The following KIAA0825 variants were observed in gnomAD, a reference collection of about 807,000 sequenced individuals.
KIAA0825 encodes KIAA0825, also known as uncharacterized protein KIAA0825.
A neutral mutation model predicts 147.6 loss-of-function variants in KIAA0825; 119 were observed. The observed-to-expected ratio is 0.81, with a 90% CI of 0.69 to 0.94. The LOEUF is 0.94. KIAA0825 is among the 40% of genes least tolerant of loss of function. KIAA0825 has a pLI of 0.00. For missense variants in KIAA0825, 1,381 were observed against 1,472.7 expected, an observed-to-expected ratio of 0.94 and a Z score of 1.02; for synonymous variants, 470 against 518.1, an observed-to-expected ratio of 0.91 and a Z score of 1.26.
chr5:94,357,179 A>G (rs1784379433), intron 20 of KIAA0825, among the ~76,000 whole-genome samples: 1 of 152,220 alleles, frequency 6.6e-6, no homozygotes, highest in Non-Finnish European at 1.5e-5. Flanking sequence ...TTCGGTTAAA[A>G]CGCATCTACA....
At chr5:94,385,631 G>T (rs908302810) in intron 19 of KIAA0825, among the ~76,000 whole-genome samples, 27 of 152,188 alleles carry the variant, frequency 1.8e-4, no homozygotes, top group Admixed American at 3.9e-4. Flanking sequence ...TCTTTTCAGT[G>T]TAACTACTGA....
intron 20 of KIAA0825, among the ~76,000 whole-genome samples, chr5:94,310,828 A>C (rs1020453142): frequency 6.6e-6 from 1 of 151,696 alleles, no homozygotes; most frequent in African/African-American, 2.4e-5. Context: ...AAGGCTCCTA[A>C]GTTTGTTTTG....
intron 2 of KIAA0825, among the ~76,000 whole-genome samples, chr5:94,547,588 T>C (rs541507115): frequency 2.0e-5 from 3 of 151,950 alleles, no homozygotes; most frequent in South Asian, 2.1e-4. Flanking sequence ...ATACAAAAAA[T>C]TGGCCAGGCA....
In KIAA0825 at chr5:94,520,478, G is replaced by T; in HGVS notation, c.740C>A (p.Thr247Lys). Residue 247 changes from threonine (T) to lysine (K), a missense_variant, in exon 5 of 21, where the codon ACA becomes AAA. Transcript: ENST00000682413. ...LDVIAHGYQS[T>K]MLKLYSVIKE... ...TATTACTGAGTATAACTTAAGCATT[G>T]TACTTTGATATCCATGAGCTATTAC... is the stretch of plus-strand genomic sequence containing the variant. The T allele has an allele frequency of 6.2e-7, 1 of 1,612,672 alleles. No individual in the cohort carries two copies. Among genetic ancestry groups the T allele is most frequent in the Non-Finnish European group, 8.5e-7 (1 of 1,178,942 alleles).
intron 20 of KIAA0825, among the ~76,000 whole-genome samples, chr5:94,228,117 C>T (rs1477636883): frequency 1.3e-5 from 2 of 152,156 alleles, no homozygotes; most frequent in Non-Finnish European, 2.9e-5. Context: ...GTAAATTCTA[C>T]TGGCTATTTT....
intron 1 of KIAA0825, among the ~76,000 whole-genome samples, chr5:94,608,702 G>T (rs1462093323): frequency 1.3e-5 from 2 of 149,200 alleles, no homozygotes; most frequent in South Asian, 4.2e-4. Flanking sequence ...TAATCAAATT[G>T]GGCTGTAACT....
chr5:94,334,277 A>G (rs1430437801), intron 20 of KIAA0825, among the ~76,000 whole-genome samples: 4 of 152,278 alleles, frequency 2.6e-5, no homozygotes, highest in African/African-American at 4.8e-5. Context: ...AGTAGAAGAT[A>G]TGAAAGACAT....
chr5:94,191,322 A>G (rs1382260832), intron 20 of KIAA0825, among the ~76,000 whole-genome samples: 1 of 152,180 alleles, frequency 6.6e-6, no homozygotes, highest in African/African-American at 2.4e-5. Flanking sequence ...GTTTAATTTC[A>G]TTCTAGAGAG....
chr5:94,527,225 T>C (rs1392119123), intron 3 of KIAA0825, among the ~76,000 whole-genome samples: 2 of 152,086 alleles, frequency 1.3e-5, no homozygotes, highest in African/African-American at 4.8e-5. Flanking sequence ...TGTCCTACTA[T>C]TGGACAGACT....
At chr5:94,389,534 C>T (rs1256786589) in intron 18 of KIAA0825, among the ~76,000 whole-genome samples, 1 of 152,140 alleles carries the variant, frequency 6.6e-6, no homozygotes, top group African/African-American at 2.4e-5. Context: ...CCTCATTTTC[C>T]CTGATGACTT....
At chr5:94,415,150 C>G (rs1397484562) in intron 15 of KIAA0825, 1 of 152,102 alleles carries the variant, frequency 6.6e-6, no homozygotes. Context: ...ATGAAGATAC[C>G]ACTTCATCTT....
At chr5:94,277,059 T>A (rs1008251127) in intron 20 of KIAA0825, among the ~76,000 whole-genome samples, 1 of 152,082 alleles carries the variant, frequency 6.6e-6, no homozygotes, top group African/African-American at 2.4e-5. Context: ...TGTCTAATTG[T>A]AGGGTTCAGA....
At chr5:94,264,339 G>A (rs534607479) in intron 20 of KIAA0825, among the ~76,000 whole-genome samples, 1 of 152,238 alleles carries the variant, frequency 6.6e-6, no homozygotes, top group African/African-American at 2.4e-5. Context: ...TAAGTTCTTC[G>A]ATTCCTTGAG....
chr5:94,200,230 T>C (rs1319031633), intron 20 of KIAA0825, among the ~76,000 whole-genome samples: 1 of 152,104 alleles, frequency 6.6e-6, no homozygotes, highest in African/African-American at 2.4e-5. Context: ...ATAGCTATGA[T>C]CCTGGAGATC....
chr5:94,174,352 G>A (rs546212687), intron 20 of KIAA0825, among the ~76,000 whole-genome samples: 9 of 152,066 alleles, frequency 5.9e-5, no homozygotes, highest in South Asian at 2.1e-4. Flanking sequence ...TTTCCAGAAC[G>A]GAGTTTGCAA....
intron 20 of KIAA0825, among the ~76,000 whole-genome samples, chr5:94,191,826 T>C (rs1770702797): frequency 6.6e-6 from 1 of 152,196 alleles, no homozygotes; most frequent in Non-Finnish European, 1.5e-5. Context: ...CTGTGGAAAC[T>C]TTACCTCCAC....
intron 1 of KIAA0825, among the ~76,000 whole-genome samples, chr5:94,584,875 G>A (rs949653619): frequency 2.0e-5 from 3 of 152,150 alleles, no homozygotes; most frequent in African/African-American, 7.2e-5. Flanking sequence ...AAGAGAGTGG[G>A]GGCCAAAATT....
At chr5:94,154,279 T>C (rs992755125) in intron 20 of KIAA0825, among the ~76,000 whole-genome samples, 155 bp from the exon 21 acceptor site, 15 of 152,310 alleles carry the variant, frequency 9.8e-5, no homozygotes, top group Middle Eastern at 3.4e-3. Context: ...ATACAATTCA[T>C]TGGCACTGCC....
In KIAA0825 at chr5:94,337,185, A is replaced by G. The variant is rs181345667; in HGVS notation, c.3710+47183T>C. On this transcript the variant is annotated intron_variant, in intron 20 of 20. Transcript: ENST00000682413. ...AACATTTTGGGGTGATGGAAACTATAAATTTAGAAAAAAAATGAGATTGTA... is the reference window on the plus strand; with the variant it reads ...AACATTTTGGGGTGATGGAAACTATGAATTTAGAAAAAAAATGAGATTGTA... 8.9e-4 allele frequency among the ~76,000 whole-genome samples: 136 copies of G among 152,300 alleles called. 1 individual carries two copies. The highest frequency in any genetic ancestry group is 3.1e-3 in the African/African-American group (128 of 41,572).
Sources: gnomAD v4.1 joint callset for allele counts (sites outside exome capture counted in the v4.1 genomes callset) on GRCh38, gnomAD v4.1.1 for gene constraint, MANE v1.5 for transcripts, NCBI Gene and HGNC (gene_info 2026-07-23, HGNC 2026-07-21) for gene names.